Variants in SSPN observed in about 807,000 individuals in gnomAD.
SSPN encodes K-ras oncogene-associated protein.
SSPN carries 15 observed loss-of-function variants against 19.1 expected under a neutral mutation model. The ratio of observed to expected loss-of-function variants is 0.78; its 90% CI spans 0.52 to 1.21. The LOEUF is 1.21. Among genes scored for constraint, SSPN ranks in the 50% most tolerant of loss-of-function variants. The pLI is 0.00. For synonymous variants in SSPN, 147 were observed against 140.3 expected, an observed-to-expected ratio of 1.05 and a Z score of -0.34; for missense variants, 291 against 314.0, an observed-to-expected ratio of 0.93 and a Z score of 0.55.
At chr12:26,163,032 C>CTGTGT (rs1555177121) in intron 1 of SSPN, among the ~76,000 whole-genome samples, 1 of 145,966 alleles carries the variant, frequency 6.9e-6, no homozygotes, top group Non-Finnish European at 1.5e-5. Flanking sequence ...TGCTTCAAGA[C>CTGTGT]GTGTGTGTGT....
At chr12:26,137,636 G>GTATGTGTATATATATATATATATATA (rs1555175654) in intron 1 of SSPN, among the ~76,000 whole-genome samples, 1 of 31,354 alleles carries the variant, frequency 3.2e-5, no homozygotes. Flanking sequence ...GTGTGTGTAT[G>GTATGTGTATATATATATATATATATA]TATATATATA....
chr12:26,122,096 A>G, exon 1 of SSPN: 1 of 1,549,600 alleles, frequency 6.5e-7, no homozygotes, highest in Admixed American at 2.0e-5. Context: ...GCTGCGAGGG[A>G]TCTTCCTGAG....
At chr12:26,221,369 C>T (rs1291683168) in intron 1 of SSPN, among the ~76,000 whole-genome samples, 2 of 152,210 alleles carry the variant, frequency 1.3e-5, no homozygotes, top group Non-Finnish European at 2.9e-5. Context: ...AACTCATTAT[C>T]CTCTCTTTTC....
intron 1 of SSPN, chr12:26,123,126 G>C (rs1317299977): frequency 6.2e-7 from 1 of 1,609,546 alleles, no homozygotes; most frequent in East Asian, 2.2e-5. Flanking sequence ...CGAGTGGAAC[G>C]CATCCAAGTC....
intron 1 of SSPN, chr12:26,123,683 G>A (rs1338336404): frequency 6.2e-7 from 1 of 1,613,876 alleles, no homozygotes; most frequent in African/African-American, 1.3e-5. Context: ...GGCGGTTAAA[G>A]CTTTTAAGTG....
chr12:26,227,006 C>A (rs1267870150), intron 2 of SSPN, among the ~76,000 whole-genome samples: 4 of 152,068 alleles, frequency 2.6e-5, no homozygotes, highest in East Asian at 1.9e-4. Flanking sequence ...CGCCTCCGCC[C>A]GCTGCGCAGC....
chr12:26,142,795 G>C (rs1944468208), intron 1 of SSPN, among the ~76,000 whole-genome samples: 1 of 152,228 alleles, frequency 6.6e-6, no homozygotes, highest in Non-Finnish European at 1.5e-5. Context: ...CTAAGAGTGA[G>C]ACCAAGAAGG....
intron 1 of SSPN, among the ~76,000 whole-genome samples, chr12:26,201,022 T>A (rs1944874187): frequency 8.6e-5 from 3 of 34,688 alleles, no homozygotes; most frequent in Non-Finnish European, 1.4e-4. Context: ...TATATATATA[T>A]ATATATATAT....
At chr12:26,170,794 G>C (rs1944649657) in intron 1 of SSPN, among the ~76,000 whole-genome samples, 1 of 152,180 alleles carries the variant, frequency 6.6e-6, no homozygotes, top group African/African-American at 2.4e-5. Context: ...CCATAACCCT[G>C]CTTAGCAGTT....
intron 1 of SSPN, among the ~76,000 whole-genome samples, chr12:26,151,791 A>C (rs761684466): frequency 2.6e-5 from 4 of 152,200 alleles, no homozygotes; most frequent in Non-Finnish European, 5.9e-5. Flanking sequence ...GGAGAAAAAA[A>C]ATATATCTTA....
intron 1 of SSPN, among the ~76,000 whole-genome samples, chr12:26,217,763 T>C (rs964480233): frequency 6.6e-6 from 1 of 150,904 alleles, no homozygotes; most frequent in Non-Finnish European, 1.5e-5. Flanking sequence ...AATACCTAAT[T>C]TATTGAGAGT....
At chr12:26,133,726 A>G (rs1944409187) in intron 1 of SSPN, among the ~76,000 whole-genome samples, 1 of 152,238 alleles carries the variant, frequency 6.6e-6, no homozygotes, top group African/African-American at 2.4e-5. Flanking sequence ...ATCTGCACAC[A>G]GCTGCCAGGG....
chr12:26,138,380 AAAAT>A (rs1429680134), intron 1 of SSPN, among the ~76,000 whole-genome samples: 1 of 152,186 alleles, frequency 6.6e-6, no homozygotes, highest in African/African-American at 2.4e-5. Context: ...TCACCTTTCC[AAAAT>A]AGGGTAAAAT....
chr12:26,224,499 C>A, intron 2 of SSPN, 120 bp downstream of exon 2: 4 of 832,030 alleles, frequency 4.8e-6, no homozygotes, highest in Admixed American at 2.1e-5. Context: ...CATTTTTAGG[C>A]AGGCCAAAAA....
At chr12:26,149,588 A>G (rs1196271707) in intron 1 of SSPN, among the ~76,000 whole-genome samples, 1 of 152,220 alleles carries the variant, frequency 6.6e-6, no homozygotes, top group Non-Finnish European at 1.5e-5. Flanking sequence ...TATCCAGCTT[A>G]TAGATTTCTT....
chr12:26,201,034 T>TTATATATATATATA (rs1944877471), intron 1 of SSPN, among the ~76,000 whole-genome samples: 2 of 55,860 alleles, frequency 3.6e-5, no homozygotes, highest in African/African-American at 1.3e-4. Flanking sequence ...TATATATATA[T>TTATATATATATATA]ATATATATAT....
intron 1 of SSPN, among the ~76,000 whole-genome samples, chr12:26,145,717 G>C (rs1944486244): frequency 6.6e-6 from 1 of 152,194 alleles, no homozygotes; most frequent in South Asian, 2.1e-4. Context: ...CCACCACCAT[G>C]GCCTCAGATT....
intron 1 of SSPN, among the ~76,000 whole-genome samples, chr12:26,128,485 C>A (rs917664090): frequency 1.3e-5 from 2 of 152,150 alleles, no homozygotes; most frequent in Non-Finnish European, 2.9e-5. Context: ...TGATGGTGAC[C>A]AGCTGTTCAC....
At chr12:26,208,402 C>A (rs1247290677) in intron 1 of SSPN, among the ~76,000 whole-genome samples, 1 of 151,960 alleles carries the variant, frequency 6.6e-6, no homozygotes, top group Non-Finnish European at 1.5e-5. Context: ...ATTTTGTGTT[C>A]TATCATTTAT....
Sources: allele counts gnomAD v4.1 joint callset (sites outside exome capture counted in the v4.1 genomes callset), GRCh38; gene constraint gnomAD v4.1.1; transcripts MANE v1.5; gene names NCBI Gene and HGNC (gene_info 2026-07-23, HGNC 2026-07-21).